The following ZNF658 variants were observed in gnomAD, a reference collection of about 807,000 sequenced individuals.
ZNF658 encodes the protein zinc finger protein 658.
In ZNF658, 46 loss-of-function variants were observed where a neutral mutation model predicts 78.0. That is an observed-to-expected ratio of 0.59 (90% CI 0.47 to 0.75). The LOEUF (loss-of-function observed/expected upper bound fraction) is 0.75. Among genes scored for constraint, ZNF658 ranks in the 30% least tolerant of loss-of-function variants. ZNF658 has a pLI of 0.00. For synonymous variants in ZNF658, 279 were observed against 408.4 expected (o/e 0.68, Z 3.82); for missense variants, 785 against 1,189.3 (o/e 0.66, Z 5.00).
intron 4 of ZNF658, among the ~76,000 whole-genome samples, chr9:66,916,211 A>T (rs68048779): frequency 0.17 from 25,958 of 152,100 alleles, 2,626 homozygotes; most frequent in East Asian, 0.38. Context: ...CCCCAAATTT[A>T]TCTCTGTGTA....
chr9:66,918,629 C>T lies in ZNF658; in HGVS notation c.1063C>T (p.His355Tyr), dbSNP rs773193006. The change falls in exon 5 of 5, where the codon CAT (histidine) becomes TAT (tyrosine). Residue 355 changes from histidine (H) to tyrosine (Y), a missense_variant. His to Tyr is a moderately conservative substitution (Grantham distance 83). Transcript: ENST00000621410. The part of the protein sequence containing the change: ...KTQAGDKFGE[H>Y]NECTDALYQK... ...ACAAGCTGGAGATAAATTTGGTGAA[C>T]ATAATGAATGTACAGATGCCCTCTA... 7.4e-6 allele frequency: 12 copies of T among 1,611,928 alleles called. No homozygotes were observed. The highest frequency in any genetic ancestry group is 9.3e-6 in the Non-Finnish European group (11 of 1,178,420).
In ZNF658 at chr9:66,903,271, T is replaced by G. The variant is rs1204106109; in HGVS notation, c.-44-247T>G. 4 of 415,302 alleles carry G rather than the reference T, an allele frequency of 9.6e-6. No homozygotes were observed. In the Admixed American group the frequency reaches 1.5e-4, roughly 16 times the overall value. The allele number at this position is 415,302 out of a possible 1,614,324, so 25.7% of individuals were successfully genotyped here. Reference sequence around the variant, plus strand: ...ATATTCAGGTGTGGCTATCTTTGAGTGGTCCTTCTTGTCCCTTTTCAAGAG... The same window carrying G: ...ATATTCAGGTGTGGCTATCTTTGAGGGGTCCTTCTTGTCCCTTTTCAAGAG... On this transcript the variant is annotated intron_variant, in intron 1 of 4. Coordinates refer to ENST00000621410, the MANE Select transcript of ZNF658 (RefSeq NM_033160.7).
rs917977352 is a variant in ZNF658, at chr9:66,901,127, C to A, written c.-45+291C>A. On this transcript the variant is annotated intron_variant, in intron 1 of 4. Coordinates refer to ENST00000621410, the MANE Select transcript of ZNF658 (RefSeq NM_033160.7). ...ATTCTGAAAATTAAATAAGTTGTCACCTGTAAAGCATTTTGTTAAGTGTCT... is the reference window on the plus strand; with the variant it reads ...ATTCTGAAAATTAAATAAGTTGTCAACTGTAAAGCATTTTGTTAAGTGTCT... 2.0e-5 allele frequency: 3 copies of A among 152,302 alleles called. No individual in the cohort carries two copies. In the South Asian group the frequency reaches 6.2e-4, roughly 32 times the overall value. 9.4% of individuals were successfully genotyped at this position (152,302 alleles called of 1,614,324 possible). A position where few individuals can be genotyped will look rare whatever the true frequency, so the allele number is the denominator to read the frequency against.
At chr9:66,908,559 G>A (rs1822135399) in intron 3 of ZNF658, 80 bp from the exon 4 acceptor site, 1 of 1,504,368 alleles carries the variant, frequency 6.6e-7, no homozygotes, top group Non-Finnish European at 8.9e-7. Flanking sequence ...CTCAGTTAAT[G>A]CTTTGCTGCC....
intron 6 of ZNF658, among the ~76,000 whole-genome samples, chr9:66,927,313 C>T (rs1822595134): frequency 6.6e-6 from 1 of 150,524 alleles, no homozygotes; most frequent in East Asian, 2.0e-4. Flanking sequence ...TGAAATATTT[C>T]CTCACACCTG....
Position 66,919,619 on chromosome 9 carries a change from C to T in ZNF658, c.2053C>T (p.Pro685Ser). The T allele has an allele frequency of 6.2e-7, 1 of 1,609,392 alleles. No homozygotes were observed. The highest frequency in any genetic ancestry group is 8.5e-7 in the Non-Finnish European group (1 of 1,178,870). Residue 685 changes from proline (P) to serine (S), a missense_variant, in exon 5 of 5, where the codon CCC becomes TCC. Transcript: ENST00000621410. The stretch of plus-strand genomic sequence containing the variant: ...TCAGAGAATTCACACAGGTAGAAAA[C>T]CCTATGAATGTAGTGACTGTGAGAA... Reference protein sequence around the residue: ...AHQRIHTGRKPYECSDCEKTF... With the variant: ...AHQRIHTGRKSYECSDCEKTF...
rs368891388 is a variant in ZNF658, at chr9:66,901,672, C to T, written c.-45+836C>T. ...ATAAATCAGAATTTTTGGCCAGGTG[C>T]GGTGGCTCATGCCTGTAATCCCAGC... On this transcript the variant is annotated intron_variant, in intron 1 of 4. Transcript: ENST00000621410. Among the ~76,000 whole-genome samples the T allele has an allele frequency of 3.3e-5, 5 of 152,138 alleles. No individual in the cohort carries two copies. The South Asian group carries it at 8.3e-4, about 25-fold the overall frequency.
At chr9:66,917,726 A>G in intron 4 of ZNF658, 79 bp from the exon 5 acceptor site, 2 of 1,463,522 alleles carry the variant, frequency 1.4e-6, no homozygotes, top group South Asian at 2.7e-5. Context: ...AACCAAAACC[A>G]AAATCAAAAT....
At chr9:66,908,217 T>C (rs776653791) in intron 2 of ZNF658, 21 bp from the exon 3 acceptor site, 19 of 1,613,734 alleles carry the variant, frequency 1.2e-5, no homozygotes, top group Middle Eastern at 3.3e-4. Flanking sequence ...GTTATATTTG[T>C]TGTGATAAAT....
chr9:66,914,077 C>G (rs930045100), intron 4 of ZNF658, among the ~76,000 whole-genome samples: 6 of 151,216 alleles, frequency 4.0e-5, no homozygotes, highest in African/African-American at 1.5e-4. Flanking sequence ...AACATGTTGG[C>G]ATTTAAACTG....
chr9:66,903,331 C>T, intron 1 of ZNF658, 187 bp from the exon 2 acceptor site: 1 of 533,704 alleles, frequency 1.9e-6, no homozygotes, highest in Non-Finnish European at 3.4e-6. Flanking sequence ...ATCCTTTTCT[C>T]CAGCTGAGTG....
At chr9:66,915,133 C>T (rs1414134944) in intron 4 of ZNF658, among the ~76,000 whole-genome samples, 4 of 151,430 alleles carry the variant, frequency 2.6e-5, no homozygotes, top group Non-Finnish European at 5.9e-5. Context: ...ATTCTTAAGC[C>T]TTATTTACAT....
intron 1 of ZNF658, chr9:66,901,175 T>A (rs1001364507): frequency 8.6e-5 from 13 of 152,018 alleles, no homozygotes; most frequent in African/African-American, 3.1e-4. Flanking sequence ...ATGTGAAATG[T>A]AAGCTGCTCT....
chr9:66,920,337 A>G lies in ZNF658; in HGVS notation c.2771A>G (p.Tyr924Cys). The G allele has an allele frequency of 6.2e-7, 1 of 1,613,654 alleles. No individual in the cohort carries two copies. The highest frequency in any genetic ancestry group is 8.5e-7 in the Non-Finnish European group (1 of 1,179,906). Residue 924 changes from tyrosine (Y) to cysteine (C), a missense_variant, in exon 5 of 5, where the codon TAT becomes TGT. Tyr to Cys is a radical substitution (Grantham distance 194). Coordinates refer to ENST00000621410, the MANE Select transcript of ZNF658 (RefSeq NM_033160.7). ...GGGAAAACCTTCTCTGAGAAGTCAT[A>G]TGTTAGTGCACATCAGAGAGTTCAT... is the stretch of plus-strand genomic sequence containing the variant. The part of the protein sequence containing the change: ...ECGKTFSEKS[Y>C]VSAHQRVHTG...
Position 66,920,299 on chromosome 9 carries a change from A to C in ZNF658, c.2733A>C (p.Glu911Asp), listed in dbSNP as rs758039729. ...CTCGCTCAGGGGAGAAACCCTATGA[A>C]TGCAGTGAATGTGGGAAAACCTTCT... ...LRTRSGEKPY[E>D]CSECGKTFSE... Residue 911 changes from glutamate to aspartate, a missense_variant, in exon 5 of 5, where the codon GAA becomes GAC. Glu to Asp is a conservative substitution (Grantham distance 45, BLOSUM62 2). Coordinates refer to ENST00000621410, the MANE Select transcript of ZNF658 (RefSeq NM_033160.7). 1.9e-6 allele frequency: 3 copies of C among 1,613,738 alleles called. No individual in the cohort carries two copies. The highest frequency in any genetic ancestry group is 2.5e-6 in the Non-Finnish European group (3 of 1,179,878).
chr9:66,925,876 A>T (rs998662297), downstream of ZNF658, among the ~76,000 whole-genome samples: 2 of 149,568 alleles, frequency 1.3e-5, no homozygotes, highest in Admixed American at 1.3e-4. Context: ...CAGCAAATTA[A>T]TAGGATCATA....
At chr9:66,930,447 T>C (rs1186970244) in intron 6 of ZNF658, among the ~76,000 whole-genome samples, 2 of 146,394 alleles carry the variant, frequency 1.4e-5, no homozygotes, top group African/African-American at 5.0e-5. Context: ...CTTGTCCAAC[T>C]CTGGATGAGC....
In ZNF658 at chr9:66,918,317, A is replaced by C; in HGVS notation, c.751A>C (p.Asn251His). ...CTGTAAGGATGATGAATTTAGAAAA[A>C]ACTTTGATAAAATCACTTTATTTAA... ...KSCKDDEFRK[N>H]FDKITLFNHM... is the part of the protein sequence containing the mutation. The change falls in exon 5 of 5, where the codon AAC becomes CAC. Residue 251 changes from asparagine to histidine, a missense_variant. Around this residue, in one of 12 missense-constraint regions of ZNF658, gnomAD observed 393 missense variants for 400.2 expected, o/e 0.98. Transcript: ENST00000621410. The C allele has an allele frequency of 6.2e-7, 1 of 1,613,898 alleles. No homozygotes were observed. Among genetic ancestry groups the C allele is most frequent in the Non-Finnish European group, 8.5e-7 (1 of 1,179,830 alleles).
At chr9:66,905,524 ATT>A (rs1822060014) in intron 2 of ZNF658, among the ~76,000 whole-genome samples, 1 of 151,318 alleles carries the variant, frequency 6.6e-6, no homozygotes, top group African/African-American at 2.4e-5. Flanking sequence ...CTGTTAGTCT[ATT>A]TGGCATATGT....
Sources: allele counts gnomAD v4.1 joint callset (sites outside exome capture counted in the v4.1 genomes callset), GRCh38; gene constraint gnomAD v4.1.1; regional missense constraint gnomAD v4.1.1; transcripts MANE v1.5; gene names NCBI Gene and HGNC (gene_info 2026-07-23, HGNC 2026-07-21).